Variants in NUP37 observed in about 807,000 individuals in gnomAD.
The protein encoded by NUP37 is nucleoporin 37.
A neutral mutation model predicts 45.4 loss-of-function variants in NUP37; 33 were observed. The observed-to-expected ratio is 0.73, with a 90% CI of 0.55 to 0.97. The LOEUF (loss-of-function observed/expected upper bound fraction) is 0.97, where lower values mean the gene tolerates loss of function less well. Among genes scored for constraint, NUP37 ranks in the 50% least tolerant of loss-of-function variants. The pLI, the probability that NUP37 is intolerant of heterozygous loss-of-function variation, is 0.00. For missense variants in NUP37, 365 were observed against 389.7 expected (o/e 0.94, Z 0.53); for synonymous variants, 127 against 130.7 (o/e 0.97, Z 0.19).
rs1451603099 is a variant in NUP37, at chr12:102,074,421, T to C, written c.914A>G (p.His305Arg). The change falls in exon 10 of 10, where the codon CAT (histidine) becomes CGT (arginine). Residue 305 changes from histidine to arginine, a missense_variant. His to Arg is a conservative substitution (Grantham distance 29). Coordinates refer to ENST00000552283, the MANE Select transcript of NUP37 (RefSeq NM_024057.4). ...AATTACACACAGAGGGAGAGTTCGA[T>C]GCCAGGACAGTCCAGATCCAACGGC... ...SVAVGSGLSWHRTLPLCVIGG... is the reference protein window; with the variant it reads ...SVAVGSGLSWRRTLPLCVIGG... 6.2e-7 allele frequency: 1 copy of C among 1,613,250 alleles called. No homozygotes were observed. The highest frequency in any genetic ancestry group is 8.5e-7 in the Non-Finnish European group (1 of 1,179,482).
chr12:102,075,995 C>G (rs899010634), intron 8 of NUP37, among the ~76,000 whole-genome samples: 2 of 151,942 alleles, frequency 1.3e-5, no homozygotes, highest in Non-Finnish European at 2.9e-5. Context: ...CTGAGAATAG[C>G]AGAGGGAAAG....
Position 102,118,598 on chromosome 12 carries a change from A to C in NUP37, c.-65-15T>G. Reference sequence around the variant, plus strand: ...AGGTCACGAAACTGTGGATTAGAGCACAGGTACAATTACAATGGTCAATAT... The same window carrying C: ...AGGTCACGAAACTGTGGATTAGAGCCCAGGTACAATTACAATGGTCAATAT... On this transcript the variant is annotated splice_polypyrimidine_tract_variant and intron_variant, in intron 1 of 9. Coordinates refer to ENST00000552283, the MANE Select transcript of NUP37 (RefSeq NM_024057.4). The C allele has an allele frequency of 7.7e-7, 1 of 1,292,610 alleles. No individual in the cohort carries two copies. Among genetic ancestry groups the C allele is most frequent in the East Asian group, 2.3e-5 (1 of 42,934 alleles). 80.1% of individuals were successfully genotyped at this position (1,292,610 alleles called of 1,614,324 possible).
chr12:102,116,570 T>C (rs1244499303), intron 2 of NUP37, among the ~76,000 whole-genome samples: 2 of 152,238 alleles, frequency 1.3e-5, no homozygotes, highest in Non-Finnish European at 2.9e-5. Flanking sequence ...GGAGCTGTCA[T>C]ATTCTACTCA....
chr12:102,076,776 C>A, intron 8 of NUP37, 21 bp downstream of exon 8: 1 of 1,609,392 alleles, frequency 6.2e-7, no homozygotes, highest in South Asian at 1.1e-5. Context: ...AATCACAGCT[C>A]CAACAAAAAC....
intron 2 of NUP37, among the ~76,000 whole-genome samples, chr12:102,113,404 T>C (rs1880371319): frequency 6.6e-6 from 1 of 152,192 alleles, no homozygotes; most frequent in African/African-American, 2.4e-5. Context: ...ATTGCTAATG[T>C]TCCTTTTCTT....
rs577748730 is a variant in NUP37 at position 102,107,775 on chromosome 12, C to G, written c.281+4333G>C. Among the ~76,000 whole-genome samples, 212 of 152,050 alleles carry G rather than the reference C, an allele frequency of 1.4e-3. 1 individual carries two copies. Among genetic ancestry groups the G allele is most frequent in the African/African-American group, 4.8e-3 (199 of 41,468 alleles). Reference sequence around the variant, plus strand: ...AAAATACATATAGTATTATTATATTCATAAGAAAGTTCATAAGCAGGCAAA... The same window carrying G: ...AAAATACATATAGTATTATTATATTGATAAGAAAGTTCATAAGCAGGCAAA... On this transcript the variant is annotated intron_variant, in intron 3 of 9. Transcript: ENST00000552283.
intron 5 of NUP37, among the ~76,000 whole-genome samples, chr12:102,098,134 G>A (rs1470536802): frequency 6.6e-6 from 1 of 152,128 alleles, no homozygotes; most frequent in Non-Finnish European, 1.5e-5. Flanking sequence ...TAAAGCAAAT[G>A]AAGCAACTGA....
At chr12:102,092,744 A>AT (rs1879693728) in intron 5 of NUP37, among the ~76,000 whole-genome samples, 1 of 152,136 alleles carries the variant, frequency 6.6e-6, no homozygotes, top group Admixed American at 6.5e-5. Flanking sequence ...TACAGTGGGT[A>AT]TGGGTAGGTT....
chr12:102,118,331 C>CACAAA, intron 2 of NUP37, 32 bp downstream of exon 2: 1 of 1,581,524 alleles, frequency 6.3e-7, no homozygotes, highest in Non-Finnish European at 8.6e-7. Flanking sequence ...GAAATATGTT[C>CACAAA]ACTGTCATTC....
intron 2 of NUP37, among the ~76,000 whole-genome samples, chr12:102,112,597 G>A (rs1048655695): frequency 6.6e-6 from 1 of 152,058 alleles, no homozygotes; most frequent in Non-Finnish European, 1.5e-5. Flanking sequence ...TGGAGTCTGA[G>A]ACCAGACTGG....
At chr12:102,110,965 C>CAT (rs1880297513) in intron 3 of NUP37, among the ~76,000 whole-genome samples, 1 of 152,134 alleles carries the variant, frequency 6.6e-6, no homozygotes, top group Admixed American at 6.5e-5. Flanking sequence ...ATACATCTAC[C>CAT]CTGTGACTCA....
intron 6 of NUP37, among the ~76,000 whole-genome samples, chr12:102,083,278 C>A (rs1368536056): frequency 6.6e-6 from 1 of 152,178 alleles, no homozygotes; most frequent in African/African-American, 2.4e-5. Flanking sequence ...AGACTCACTG[C>A]TCTCAGGGAG....
intron 4 of NUP37, among the ~76,000 whole-genome samples, chr12:102,099,690 A>G (rs1416651567): frequency 6.6e-6 from 1 of 152,200 alleles, no homozygotes; most frequent in African/African-American, 2.4e-5. Flanking sequence ...TGTGACTGCT[A>G]GCAGTGAAGA....
chr12:102,077,100 C>T (rs1480013017), intron 7 of NUP37: 2 of 618,606 alleles, frequency 3.2e-6, no homozygotes, highest in Admixed American at 5.8e-5. Flanking sequence ...TGCACAGATC[C>T]AAGATTTCCT....
intron 5 of NUP37, among the ~76,000 whole-genome samples, chr12:102,090,145 T>G (rs1199049736): frequency 6.6e-6 from 1 of 152,212 alleles, no homozygotes; most frequent in Admixed American, 6.5e-5. Flanking sequence ...TTTCTCTCAT[T>G]TTCTGACTAA....
chr12:102,079,100 A>C, intron 6 of NUP37: 21 of 418,800 alleles, frequency 5.0e-5, no homozygotes, highest in South Asian at 3.6e-4. Context: ...ATTAAGTTGA[A>C]AAATCCTTGA....
At chr12:102,109,479 G>C (rs1880253098) in intron 3 of NUP37, among the ~76,000 whole-genome samples, 1 of 152,060 alleles carries the variant, frequency 6.6e-6, no homozygotes, top group Non-Finnish European at 1.5e-5. Context: ...AAAATGAAAA[G>C]GGTATTGGGA....
intron 3 of NUP37, among the ~76,000 whole-genome samples, chr12:102,106,163 C>T (rs894953310): frequency 1.3e-5 from 2 of 152,158 alleles, no homozygotes; most frequent in Admixed American, 1.3e-4. Context: ...AATGGATTCT[C>T]CCTCAGAGCC....
chr12:102,085,423 AAAAAACAAAAAC>A (rs1391300544), intron 6 of NUP37, among the ~76,000 whole-genome samples: 1 of 152,184 alleles, frequency 6.6e-6, no homozygotes, highest in East Asian at 1.9e-4. Context: ...CCCTGTCTAA[AAAAAACAAAAAC>A]AAAAACAAAA....
Sources: allele counts gnomAD v4.1 joint callset (sites outside exome capture counted in the v4.1 genomes callset), GRCh38; gene constraint gnomAD v4.1.1; transcripts MANE v1.5; gene names NCBI Gene and HGNC (gene_info 2026-07-23, HGNC 2026-07-21).